LIMD1: variants seen among roughly 807,000 people sequenced by gnomAD.
LIMD1 encodes LIM domain containing 1.
Under a neutral mutation model 58.4 loss-of-function variants are expected in LIMD1, and 23 were observed. The observed-to-expected ratio is 0.39, with a 90% CI of 0.28 to 0.56. The LOEUF (loss-of-function observed/expected upper bound fraction) is 0.56. Among genes scored for constraint, LIMD1 ranks in the 20% least tolerant of loss-of-function variants. LIMD1 has a pLI of 0.57. For synonymous variants in LIMD1, 334 were observed against 345.5 expected (o/e 0.97, Z 0.37); for missense variants, 838 against 855.5 (o/e 0.98, Z 0.25).
intron 1 of LIMD1, among the ~76,000 whole-genome samples, chr3:45,630,395 G>A (rs911398881): frequency 2.6e-5 from 4 of 152,204 alleles, no homozygotes; most frequent in South Asian, 2.1e-4. Flanking sequence ...CATAGCCAGC[G>A]TCTGGAGAGG....
intron 4 of LIMD1, among the ~76,000 whole-genome samples, chr3:45,669,594 C>A (rs1697564116): frequency 6.6e-6 from 1 of 152,136 alleles, no homozygotes; most frequent in Admixed American, 6.5e-5. Flanking sequence ...GACCCCACTC[C>A]CACAAAGGCA....
chr3:45,648,086 T>C (rs1440012594), intron 2 of LIMD1, among the ~76,000 whole-genome samples: 1 of 77,102 alleles, frequency 1.3e-5, no homozygotes, highest in Non-Finnish European at 2.5e-5. Context: ...TATCTCCCCC[T>C]AGGTGATCAG....
intron 1 of LIMD1, among the ~76,000 whole-genome samples, chr3:45,633,573 G>A (rs1701757858): frequency 6.6e-6 from 1 of 152,130 alleles, no homozygotes. Context: ...TATAGAATTG[G>A]GATGGTGAGT....
chr3:45,616,355 TAGA>T (rs1701576419), intron 1 of LIMD1, among the ~76,000 whole-genome samples: 1 of 151,782 alleles, frequency 6.6e-6, no homozygotes, highest in Non-Finnish European at 1.5e-5. Context: ...TTGAGATTGT[TAGA>T]AGGTTTTTCT....
intron 1 of LIMD1, among the ~76,000 whole-genome samples, chr3:45,615,034 C>T (rs1701563567): frequency 6.6e-6 from 1 of 152,078 alleles, no homozygotes; most frequent in African/African-American, 2.4e-5. Flanking sequence ...CCTCTTCTCT[C>T]TTGGGGTCCT....
chr3:45,612,358 A>G (rs1701534370), intron 1 of LIMD1, among the ~76,000 whole-genome samples: 1 of 152,170 alleles, frequency 6.6e-6, no homozygotes, highest in African/African-American at 2.4e-5. Context: ...TGCTAGGATA[A>G]CAGGTGTGAG....
At chr3:45,646,020 ACT>A (rs1291222700) in intron 2 of LIMD1, among the ~76,000 whole-genome samples, 3 of 138,260 alleles carry the variant, frequency 2.2e-5, no homozygotes, top group Non-Finnish European at 4.7e-5. Flanking sequence ...ACAGAGCGAG[ACT>A]CTGTCTCAAA....
intron 2 of LIMD1, 119 bp downstream of exon 2, chr3:45,636,370 A>T: frequency 1.4e-6 from 1 of 738,846 alleles, no homozygotes; most frequent in Non-Finnish European, 2.2e-6. Context: ...CCTCAGCCCC[A>T]CAGAAAAGCC....
intron 2 of LIMD1, among the ~76,000 whole-genome samples, chr3:45,661,073 CAA>C (rs1007002180): frequency 2.9e-4 from 44 of 152,208 alleles, no homozygotes; most frequent in African/African-American, 1.0e-3. Context: ...GAGGGGAGGA[CAA>C]GAGAGCAGCT....
chr3:45,623,070 C>T (rs531944805), intron 1 of LIMD1, among the ~76,000 whole-genome samples: 13 of 152,306 alleles, frequency 8.5e-5, no homozygotes, highest in South Asian at 4.1e-4. Context: ...CTCTACACCT[C>T]GGTGACACTG....
At position 45,677,198 on chromosome 3, in the gene LIMD1, GCCTTT is replaced by G. The variant is rs1031221395; in HGVS notation, c.*145_*149del. The G allele has an allele frequency of 3.3e-6, 3 of 919,742 alleles. No homozygotes were observed. In the African/African-American group the frequency reaches 5.0e-5, roughly 15 times the overall value. The allele number at this position is 919,742 out of a possible 1,614,324, so 57.0% of individuals were successfully genotyped here. On this transcript the variant is annotated 3_prime_UTR_variant, in exon 8 of 8. Transcript: ENST00000273317. ...GAGTTCCTGTGAGCATGTGGGGGGTGCCTTTCCTTTAACCAGGGAGGTGAACACTA... is the reference window on the plus strand; with the variant it reads ...GAGTTCCTGTGAGCATGTGGGGGGTGCCTTTAACCAGGGAGGTGAACACTA...
Position 45,594,793 on chromosome 3 carries a change from A to ACACACACACACACACACACAC in LIMD1, c.-86_-66dup, listed in dbSNP as rs1701315104. 22 of 98,496 alleles carry ACACACACACACACACACACAC rather than the reference A, an allele frequency of 2.2e-4. No homozygotes were observed. In the East Asian group the frequency reaches 3.6e-3, roughly 16 times the overall value. The allele number at this position is 98,496 out of a possible 1,614,324, so 6.1% of individuals were successfully genotyped here. ...CGCTGCCCTCAACACACACACACAC[A>ACACACACACACACACACACAC]CACACACACACACACACACACACAC... On this transcript the variant is annotated 5_prime_UTR_variant, in exon 1 of 8. Coordinates refer to ENST00000273317, the MANE Select transcript of LIMD1 (RefSeq NM_014240.3).
chr3:45,633,642 C>G (rs1445586461), intron 1 of LIMD1, among the ~76,000 whole-genome samples: 1 of 152,188 alleles, frequency 6.6e-6, no homozygotes, highest in African/African-American at 2.4e-5. Flanking sequence ...AATGTTGAAA[C>G]AGAAGAAGAA....
rs59692287 is a variant in LIMD1, at chr3:45,636,437, G to A, written c.1510+186G>A. On this transcript the variant is annotated intron_variant, in intron 2 of 7. Transcript: ENST00000273317. ...CACCAACAGAAGCCCATCAGGGCAC[G>A]GTGACTTAACACAATACCAAAGATT... 9.1e-3 allele frequency among the ~76,000 whole-genome samples: 1,381 copies of A among 152,234 alleles called. 12 individuals are homozygous for A. Among genetic ancestry groups the A allele is most frequent in the African/African-American group, 0.031 (1,302 of 41,526 alleles).
At position 45,594,810 on chromosome 3, in the gene LIMD1, CACACACACACACACACACACACA is replaced by C; in HGVS notation, c.-69_-47del. On this transcript the variant is annotated 5_prime_UTR_variant, in exon 1 of 8. Coordinates refer to ENST00000273317, the MANE Select transcript of LIMD1 (RefSeq NM_014240.3). The stretch of plus-strand genomic sequence containing the variant: ...ACACACACACACACACACACACACA[CACACACACACACACACACACACA>C]CACACACACACGGCACCTGGGCTAG... 1 of 747,472 alleles carries C rather than the reference CACACACACACACACACACACACA, an allele frequency of 1.3e-6. No homozygotes were observed. The highest frequency in any genetic ancestry group is 2.1e-6 in the Non-Finnish European group (1 of 467,206). 46.3% of individuals were successfully genotyped at this position (747,472 alleles called of 1,614,324 possible).
intron 1 of LIMD1, among the ~76,000 whole-genome samples, chr3:45,623,018 C>T (rs1220644435): frequency 6.6e-6 from 1 of 152,136 alleles, no homozygotes; most frequent in Non-Finnish European, 1.5e-5. Flanking sequence ...GAAAGGTTGT[C>T]CACGTTTATG....
At position 45,641,055 on chromosome 3, in the gene LIMD1, G is replaced by A. The variant is rs1260361954; in HGVS notation, c.1510+4804G>A. On this transcript the variant is annotated intron_variant, in intron 2 of 7. Coordinates refer to ENST00000273317, the MANE Select transcript of LIMD1 (RefSeq NM_014240.3). ...CAGTTTTCAGCAGAAGGAGGCACCC[G>A]GGAGCTCTGTGTCTCAGCTCTGCAG... 4.6e-5 allele frequency among the ~76,000 whole-genome samples: 7 copies of A among 152,286 alleles called. No homozygotes were observed. The Middle Eastern group carries it at 0.01, about 222-fold the overall frequency.
At chr3:45,640,065 A>G (rs539306025) in intron 2 of LIMD1, among the ~76,000 whole-genome samples, 4 of 152,316 alleles carry the variant, frequency 2.6e-5, no homozygotes, top group Admixed American at 2.0e-4. Flanking sequence ...GTGGCTGTCT[A>G]TTTCTTAATG....
chr3:45,646,913 G>A (rs891336990), intron 2 of LIMD1, among the ~76,000 whole-genome samples: 5 of 152,034 alleles, frequency 3.3e-5, no homozygotes, highest in Non-Finnish European at 7.4e-5. Flanking sequence ...TGATCCTCCC[G>A]CCTTGGCCTC....
Sources: allele counts gnomAD v4.1 joint callset (sites outside exome capture counted in the v4.1 genomes callset), GRCh38; gene constraint gnomAD v4.1.1; transcripts MANE v1.5; gene names NCBI Gene and HGNC (gene_info 2026-07-23, HGNC 2026-07-21).